Variants in CR1 observed in about 807,000 individuals in gnomAD.
CR1 encodes complement C3b/C4b receptor 1 (Knops blood group), also known as complement receptor type 1.
Under a neutral mutation model 187.3 loss-of-function variants are expected in CR1, and 116 were observed. The observed-to-expected ratio is 0.62, with a 90% CI of 0.53 to 0.72. The LOEUF (loss-of-function observed/expected upper bound fraction) is 0.72. Among genes scored for constraint, CR1 ranks in the 30% least tolerant of loss-of-function variants. The probability of loss-of-function intolerance (pLI) is 0.00; values close to 1 mark genes in which losing one functional copy is unlikely to be tolerated. For missense variants in CR1, 1,731 were observed against 2,110.7 expected, an observed-to-expected ratio of 0.82 and a Z score of 3.52; for synonymous variants, 576 against 747.1, an observed-to-expected ratio of 0.77 and a Z score of 3.73.
In CR1 at chr1:207,623,016, T is replaced by C. The variant is rs1045757587; in HGVS notation, c.7300T>C (p.Phe2434Leu). Residue 2434 changes from phenylalanine (F) to leucine (L), a missense_variant, in exon 45 of 47, where the codon TTT (phenylalanine) becomes CTT (leucine). Physicochemically the swap from Phe to Leu is conservative, Grantham distance 22 (BLOSUM62 0). Coordinates refer to ENST00000367049, the MANE Select transcript of CR1 (RefSeq NM_000651.6). Reference protein sequence around the residue: ...IVGTLSGTIFFILLIIFLSWI... With the variant: ...IVGTLSGTIFLILLIIFLSWI... ...AGGCACTTTATCTGGTACGATCTTC[T>C]TTATTTTACTCATCATTTTCCTCTC... 5 of 1,579,020 alleles carry C rather than the reference T, an allele frequency of 3.2e-6. No individual in the cohort carries two copies. The Admixed American group carries it at 7.3e-5, about 23-fold the overall frequency.
At chr1:207,624,130 TG>T (rs1662410031) in intron 45 of CR1, among the ~76,000 whole-genome samples, 1 of 151,974 alleles carries the variant, frequency 6.6e-6, no homozygotes, top group Non-Finnish European at 1.5e-5. Flanking sequence ...TTTGCCATCT[TG>T]GCCAGGCTGG....
At chr1:207,583,494 T>C (rs1417968870) in intron 32 of CR1, among the ~76,000 whole-genome samples, 1 of 152,152 alleles carries the variant, frequency 6.6e-6, no homozygotes, top group African/African-American at 2.4e-5. Context: ...GAGGTTTGCT[T>C]TTGATTTTTA....
chr1:207,600,300 A>G (rs773885967), intron 35 of CR1, among the ~76,000 whole-genome samples: 1 of 152,196 alleles, frequency 6.6e-6, no homozygotes, highest in Non-Finnish European at 1.5e-5. Context: ...TGGCAAAATA[A>G]TAATAGTTGA....
At position 207,574,004 on chromosome 1, in the gene CR1, A is replaced by G. The variant is rs539349063; in HGVS notation, c.4452-1591A>G. On this transcript the variant is annotated intron_variant, in intron 27 of 46. Transcript: ENST00000367049. ...AAAAATTAGCTGGGCATGGCAGCAT[A>G]TGCCTGTAGTCACAGCTAGGCAGGA... is the stretch of plus-strand genomic sequence containing the variant. Among the ~76,000 whole-genome samples the G allele has an allele frequency of 3.9e-5, 6 of 152,274 alleles. No homozygotes were observed. In the South Asian group the frequency reaches 6.2e-4, roughly 16 times the overall value.
rs114123310 is a variant in CR1 at position 207,519,273 on chromosome 1, G to A, written c.488-4338G>A. On this transcript the variant is annotated intron_variant, in intron 4 of 46. Transcript: ENST00000367049. ...TTTTATTCAGTCTTAGTTGTTCATT[G>A]GTGTGTTTGGAACATTAAAATTTAA... is the stretch of plus-strand genomic sequence containing the variant. Among the ~76,000 whole-genome samples the A allele has an allele frequency of 7.6e-3, 1,155 of 151,550 alleles. 11 individuals are homozygous for A. The highest frequency in any genetic ancestry group is 0.025 in the African/African-American group (1,052 of 41,390).
chr1:207,598,108 C>T (rs1661499262), intron 35 of CR1, among the ~76,000 whole-genome samples: 1 of 152,148 alleles, frequency 6.6e-6, no homozygotes, highest in Admixed American at 6.5e-5. Context: ...GGAGTTACAA[C>T]TCAATACATC....
At chr1:207,626,218 C>G (rs951864051) in intron 45 of CR1, among the ~76,000 whole-genome samples, 6 of 152,174 alleles carry the variant, frequency 3.9e-5, no homozygotes, top group Non-Finnish European at 7.3e-5. Flanking sequence ...GTGGTTTCAG[C>G]ATAGTGAGTG....
intron 35 of CR1, among the ~76,000 whole-genome samples, chr1:207,590,788 C>A (rs1445107028): frequency 6.6e-6 from 1 of 152,030 alleles, no homozygotes; most frequent in Non-Finnish European, 1.5e-5. Flanking sequence ...AAATGGAAAG[C>A]AAATAAAAGC....
chr1:207,636,783 TG>T (rs1349994846), intron 46 of CR1, among the ~76,000 whole-genome samples: 11 of 152,236 alleles, frequency 7.2e-5, no homozygotes, highest in African/African-American at 2.7e-4. Context: ...TATGGACGGA[TG>T]GCAAGGCCTC....
At chr1:207,521,267 G>A (rs533489676) in intron 4 of CR1, among the ~76,000 whole-genome samples, 10 of 152,164 alleles carry the variant, frequency 6.6e-5, no homozygotes, top group Non-Finnish European at 8.8e-5. Context: ...ATGAGCCACC[G>A]TGCCAGGCCT....
Position 207,580,345 on chromosome 1 carries a change from A to C in CR1, c.5042A>C (p.Asp1681Ala). ...TTCTACAGCTGTGAGCCTGGCTATG[A>C]CCTCAGAGGGGCTGCGTCTCTGCAC... ...EVFYSCEPGY[D>A]LRGAASLHCT... Residue 1681 changes from aspartate to alanine, a missense_variant, in exon 30 of 47, where the codon GAC (aspartate) becomes GCC (alanine). This residue lies in a region of CR1 where 1,312 missense variants were observed against 1,379.6 expected (regional missense o/e 0.95). Coordinates refer to ENST00000367049, the MANE Select transcript of CR1 (RefSeq NM_000651.6). 1 of 1,613,840 alleles carries C rather than the reference A, an allele frequency of 6.2e-7. No homozygotes were observed. Among genetic ancestry groups the C allele is most frequent in the South Asian group, 1.1e-5 (1 of 91,064 alleles).
At chr1:207,506,233 G>T (rs951693841) in intron 2 of CR1, 150 bp downstream of exon 2, 6 of 939,354 alleles carry the variant, frequency 6.4e-6, no homozygotes, top group Non-Finnish European at 9.4e-6. Flanking sequence ...ATCATACCTT[G>T]TTACTGCTTT....
At chr1:207,624,995 A>T (rs1030948083) in intron 45 of CR1, among the ~76,000 whole-genome samples, 1 of 152,098 alleles carries the variant, frequency 6.6e-6, no homozygotes, top group Non-Finnish European at 1.5e-5. Flanking sequence ...CCTTCTAACT[A>T]TGTCATTCTT....
chr1:207,639,157 A>G (rs555998634), intron 46 of CR1, among the ~76,000 whole-genome samples: 2 of 152,350 alleles, frequency 1.3e-5, no homozygotes, highest in East Asian at 1.9e-4. Context: ...CCTTGTTTAC[A>G]TCTTGGACAT....
chr1:207,564,277 G>C (rs778909422), intron 23 of CR1, 43 bp downstream of exon 23: 2 of 1,594,160 alleles, frequency 1.3e-6, no homozygotes, highest in East Asian at 2.2e-5. Context: ...TGAAATTGGG[G>C]TTGGGAATCA....
At chr1:207,579,818 A>G (rs1046727304) in intron 29 of CR1, among the ~76,000 whole-genome samples, 1 of 152,184 alleles carries the variant, frequency 6.6e-6, no homozygotes, top group African/African-American at 2.4e-5. Flanking sequence ...TCATCCTTGA[A>G]TTCTGTCCTG....
At position 207,611,854 on chromosome 1, in the gene CR1, G is replaced by A. The variant is rs1188118210; in HGVS notation, c.6472+1G>A. 1 of 1,613,722 alleles carries A rather than the reference G, an allele frequency of 6.2e-7. No homozygotes were observed. Among genetic ancestry groups the A allele is most frequent in the Admixed American group, 1.7e-5 (1 of 60,014 alleles). ...AGCCCTGAAGCCCCTAGATGTACAG[G>A]TGCCTTGACTCTCTGGCTTCCAGAT... On this transcript the variant is annotated splice_donor_variant, in intron 38 of 46. Transcript: ENST00000367049. LOFTEE classifies it high-confidence loss of function.
intron 5 of CR1, among the ~76,000 whole-genome samples, chr1:207,525,094 T>A (rs1406191116): frequency 1.3e-5 from 2 of 151,866 alleles, no homozygotes; most frequent in Non-Finnish European, 2.9e-5. Flanking sequence ...TGCTACACAC[T>A]TTGGAACAAG....
intron 35 of CR1, among the ~76,000 whole-genome samples, chr1:207,589,535 A>G (rs1481355469): frequency 6.6e-6 from 1 of 152,214 alleles, no homozygotes; most frequent in Admixed American, 6.5e-5. Context: ...AAAATTCCCG[A>G]AACCAGAATG....
Sources: allele counts gnomAD v4.1 joint callset (sites outside exome capture counted in the v4.1 genomes callset), GRCh38; gene constraint gnomAD v4.1.1; regional missense constraint gnomAD v4.1.1; transcripts MANE v1.5; gene names NCBI Gene and HGNC (gene_info 2026-07-23, HGNC 2026-07-21).